Variants in BCAS3 observed in about 807,000 individuals in gnomAD.
The protein encoded by BCAS3 is BCAS3 microtubule associated cell migration factor, also known as BCAS4/BCAS3 fusion.
BCAS3 carries 53 observed loss-of-function variants against 116.1 expected under a neutral mutation model. The observed-to-expected ratio is 0.46, with a 90% CI of 0.37 to 0.57. The LOEUF (loss-of-function observed/expected upper bound fraction) is 0.57. Ranked by LOEUF, BCAS3 falls within the 20% of genes least tolerant of loss-of-function variation. BCAS3 has a pLI of 0.00. For missense variants in BCAS3, 917 were observed against 1,165.4 expected (o/e 0.79, Z 3.10); for synonymous variants, 391 against 408.2 (o/e 0.96, Z 0.51).
rs749280468 is a variant in BCAS3 at position 61,323,026 on chromosome 17, C to A, written c.2426-45301C>A. Reference sequence around the variant, plus strand: ...AAGGCGTGTTGTGGCTATTTTGATGCCTTTTGAAAGTGCCACAGTTAATTT... The same window carrying A: ...AAGGCGTGTTGTGGCTATTTTGATGACTTTTGAAAGTGCCACAGTTAATTT... On this transcript the variant is annotated intron_variant, in intron 22 of 23. Transcript: ENST00000407086. This position sits in a 1 kb window ranked among gnomAD's most constrained non-coding sequence, Gnocchi z 4.6. 6.6e-6 allele frequency among the ~76,000 whole-genome samples: 1 copy of A among 151,728 alleles called. No homozygotes were observed. The highest frequency in any genetic ancestry group is 1.5e-5 in the Non-Finnish European group (1 of 67,956).
intron 10 of BCAS3, among the ~76,000 whole-genome samples, chr17:60,890,535 G>A (rs1219634973): frequency 6.6e-6 from 1 of 151,962 alleles, no homozygotes; most frequent in African/African-American, 2.4e-5. Context: ...TCAGCCATTT[G>A]TTTTAATAGT....
intron 22 of BCAS3, among the ~76,000 whole-genome samples, chr17:61,342,259 G>A (rs939792272): frequency 6.6e-6 from 1 of 152,204 alleles, no homozygotes; most frequent in Non-Finnish European, 1.5e-5. Context: ...CAATTGAAGG[G>A]CTTGTTCTGC....
intron 22 of BCAS3, among the ~76,000 whole-genome samples, chr17:61,190,906 A>T (rs185101339): frequency 6.3e-4 from 95 of 151,872 alleles, no homozygotes; most frequent in Non-Finnish European, 1.1e-3. Flanking sequence ...CCTGGACTAC[A>T]AAAAAACTTT....
chr17:60,895,864 A>G (rs921920917), intron 10 of BCAS3, among the ~76,000 whole-genome samples: 4 of 152,178 alleles, frequency 2.6e-5, no homozygotes, highest in Admixed American at 6.5e-5. Flanking sequence ...GTTTTAGTCC[A>G]TTGTGGTCTG....
Position 61,032,097 on chromosome 17 carries a change from T to C in BCAS3, c.1638-2569T>C, listed in dbSNP as rs2066687698. Among the ~76,000 whole-genome samples, 1 of 152,152 alleles carries C rather than the reference T, an allele frequency of 6.6e-6. No individual in the cohort carries two copies. The highest frequency in any genetic ancestry group is 2.4e-5 in the African/African-American group (1 of 41,444). On this transcript the variant is annotated intron_variant, in intron 16 of 23. Transcript: ENST00000407086. This position sits in a 1 kb window ranked among gnomAD's most constrained non-coding sequence, Gnocchi z 4.6. Reference sequence around the variant, plus strand: ...TGACGTCCTCTCATTTTTCTACTTTTTATTATCATGTTAGAAAGTTTGCCA... The same window carrying C: ...TGACGTCCTCTCATTTTTCTACTTTCTATTATCATGTTAGAAAGTTTGCCA...
At chr17:60,982,880 A>C (rs79300499) in intron 14 of BCAS3, among the ~76,000 whole-genome samples, 2 of 151,980 alleles carry the variant, frequency 1.3e-5, no homozygotes, top group Non-Finnish European at 2.9e-5. Flanking sequence ...TCTAAAAAAA[A>C]CCTCCACTTC....
At chr17:61,360,461 T>G (rs553533196) in intron 22 of BCAS3, among the ~76,000 whole-genome samples, 210 of 152,320 alleles carry the variant, frequency 1.4e-3, no homozygotes, top group Non-Finnish European at 2.6e-3. Flanking sequence ...ACAACAGATG[T>G]ATTCTCTTGT....
In BCAS3 at chr17:60,987,701, ATTTG is replaced by A. The variant is rs1169088397; in HGVS notation, c.1222-2266_1222-2263del. 5.9e-5 allele frequency among the ~76,000 whole-genome samples: 9 copies of A among 152,186 alleles called. No homozygotes were observed. The East Asian group carries it at 1.2e-3, about 20-fold the overall frequency. ...ATTTTGTATCCTGCAACCTTACTGAATTTGTTTATCAGTTCTGTTAGTTTTTTGG... is the reference window on the plus strand; with the variant it reads ...ATTTTGTATCCTGCAACCTTACTGAATTTATCAGTTCTGTTAGTTTTTTGG... On this transcript the variant is annotated intron_variant, in intron 14 of 23. Transcript: ENST00000407086.
In BCAS3 at chr17:61,251,972, G is replaced by GA. The variant is rs1279418313; in HGVS notation, c.2426-116351dup. Among the ~76,000 whole-genome samples the GA allele has an allele frequency of 6.6e-6, 1 of 151,432 alleles. No individual in the cohort carries two copies. Among genetic ancestry groups the GA allele is most frequent in the African/African-American group, 2.4e-5 (1 of 41,010 alleles). ...GGTGGCAGTTTAGAAGAAAAAGAGA[G>GA]AAAAGGATAAAGAAAAAAACTAATA... On this transcript the variant is annotated intron_variant, in intron 22 of 23. Transcript: ENST00000407086. This position sits in a 1 kb window ranked among gnomAD's most constrained non-coding sequence, Gnocchi z 4.7.
chr17:60,678,840 C>G (rs2143776819), intron 1 of BCAS3, among the ~76,000 whole-genome samples: 1 of 152,316 alleles, frequency 6.6e-6, no homozygotes, highest in African/African-American at 2.4e-5. Context: ...CTGGTTCTCT[C>G]ACCCTTGTAA....
At chr17:61,382,199 G>A (rs976859988) in intron 23 of BCAS3, among the ~76,000 whole-genome samples, 13 of 151,118 alleles carry the variant, frequency 8.6e-5, no homozygotes, top group Admixed American at 4.6e-4. Context: ...ATGGTGGCGC[G>A]TGCCTGTAAT....
At chr17:60,933,831 C>A (rs565297210) in intron 13 of BCAS3, among the ~76,000 whole-genome samples, 2 of 152,286 alleles carry the variant, frequency 1.3e-5, no homozygotes, top group South Asian at 4.2e-4. Flanking sequence ...GCAAAGGCAA[C>A]TTGAAGAATT....
chr17:60,950,341 A>C (rs989542712), intron 14 of BCAS3, among the ~76,000 whole-genome samples: 2 of 152,218 alleles, frequency 1.3e-5, no homozygotes, highest in South Asian at 4.1e-4. Flanking sequence ...TAAAATACAC[A>C]TTGAGTAAAT....
intron 15 of BCAS3, among the ~76,000 whole-genome samples, chr17:61,009,808 C>G (rs981805393): frequency 3.9e-5 from 6 of 151,940 alleles, no homozygotes; most frequent in Non-Finnish European, 7.4e-5. Flanking sequence ...TCTCACATCA[C>G]TGCATTCAGA....
intron 6 of BCAS3, among the ~76,000 whole-genome samples, chr17:60,775,229 T>G (rs1230551237): frequency 1.3e-5 from 2 of 152,130 alleles, no homozygotes; most frequent in Non-Finnish European, 2.9e-5. Context: ...TTCTCTCGGG[T>G]GCTAGATGCA....
At chr17:60,681,262 G>A (rs1278607005) in intron 2 of BCAS3, among the ~76,000 whole-genome samples, 2 of 152,012 alleles carry the variant, frequency 1.3e-5, no homozygotes, top group African/African-American at 4.8e-5. Context: ...CATTTTGGGA[G>A]GCTGAGGTGG....
chr17:60,942,248 G>A (rs900425015), intron 13 of BCAS3, among the ~76,000 whole-genome samples: 2 of 152,076 alleles, frequency 1.3e-5, no homozygotes, highest in Non-Finnish European at 2.9e-5. Flanking sequence ...CAACATGGTT[G>A]AAACCCCCTC....
chr17:60,707,353 C>T (rs994745935), intron 4 of BCAS3, among the ~76,000 whole-genome samples: 1 of 152,188 alleles, frequency 6.6e-6, no homozygotes, highest in African/African-American at 2.4e-5. Context: ...GTCTCAGACT[C>T]CTGGGCTCAA....
At chr17:60,806,542 T>G (rs1388353673) in intron 6 of BCAS3, among the ~76,000 whole-genome samples, 1 of 151,912 alleles carries the variant, frequency 6.6e-6, no homozygotes, top group Non-Finnish European at 1.5e-5. Context: ...GTTGAGCATT[T>G]TTTCTTCTTA....
Sources: allele counts gnomAD v4.1 joint callset (sites outside exome capture counted in the v4.1 genomes callset), GRCh38; gene constraint gnomAD v4.1.1; non-coding constraint Gnocchi (gnomAD v3.1); transcripts MANE v1.5; gene names NCBI Gene and HGNC (gene_info 2026-07-23, HGNC 2026-07-21).